RASGRF2: variants seen among roughly 807,000 people sequenced by gnomAD.
The protein encoded by RASGRF2 is ras-specific guanine nucleotide-releasing factor 2.
Under a neutral mutation model 151.0 loss-of-function variants are expected in RASGRF2, and 76 were observed. The ratio of observed to expected loss-of-function variants is 0.50; its 90% CI spans 0.42 to 0.61. The LOEUF (loss-of-function observed/expected upper bound fraction) is 0.61. Ranked by LOEUF, RASGRF2 falls within the 20% of genes least tolerant of loss-of-function variation. The pLI, the probability that RASGRF2 is intolerant of heterozygous loss-of-function variation, is 0.00. For missense variants in RASGRF2, 1,148 were observed against 1,564.6 expected (o/e 0.73, Z 4.49); for synonymous variants, 504 against 566.5 (o/e 0.89, Z 1.57).
Position 81,225,733 on chromosome 5 carries a change from A to G in RASGRF2, c.3677A>G (p.Glu1226Gly). The G allele has an allele frequency of 1.9e-6, 3 of 1,612,366 alleles. No homozygotes were observed. In the South Asian group the frequency reaches 3.3e-5, roughly 18 times the overall value. Reference sequence around the variant, plus strand: ...ATCATAGATGAAGATACGCTATATGAGCTGTCACTAAAAATTGAACCTCGA... The same window carrying G: ...ATCATAGATGAAGATACGCTATATGGGCTGTCACTAAAAATTGAACCTCGA... ...DLIIDEDTLY[E>G]LSLKIEPRLP... Residue 1226 changes from glutamate (E) to glycine (G), a missense_variant, in exon 27 of 27, where the codon GAG becomes GGG. By Grantham distance (98) the Glu-to-Gly change is moderately conservative (BLOSUM62 -2). Coordinates refer to ENST00000265080, the MANE Select transcript of RASGRF2 (RefSeq NM_006909.3).
intron 1 of RASGRF2, among the ~76,000 whole-genome samples, chr5:81,033,743 G>T (rs564052494): frequency 2.6e-5 from 4 of 152,274 alleles, no homozygotes; most frequent in African/African-American, 9.6e-5. Context: ...CATGGGCAAG[G>T]ATTTCATGTC....
At chr5:81,132,738 A>G (rs375454666) in intron 17 of RASGRF2, among the ~76,000 whole-genome samples, 1 of 152,208 alleles carries the variant, frequency 6.6e-6, no homozygotes, top group African/African-American at 2.4e-5. Context: ...TGTTGCACCC[A>G]TACCCACAGA....
chr5:81,089,537 A>G (rs1356947849), intron 9 of RASGRF2, among the ~76,000 whole-genome samples: 1 of 152,246 alleles, frequency 6.6e-6, no homozygotes, highest in African/African-American at 2.4e-5. Context: ...ATGGTTTCCC[A>G]TTATTAGTCT....
Position 81,207,361 on chromosome 5 carries a change from C to A in RASGRF2, c.3071+12C>A. 3.7e-6 allele frequency: 6 copies of A among 1,605,124 alleles called. No individual in the cohort carries two copies. Among genetic ancestry groups the A allele is most frequent in the South Asian group, 1.1e-5 (1 of 90,828 alleles). On this transcript the variant is annotated intron_variant, in intron 21 of 26. Transcript: ENST00000265080. ...AGCATTCCCTACGAGTGAGTGCCAC[C>A]CCCCACAGCAGCAGGGCTCGGCTGC...
At chr5:81,161,422 C>T (rs1754380972) in intron 17 of RASGRF2, among the ~76,000 whole-genome samples, 2 of 152,212 alleles carry the variant, frequency 1.3e-5, no homozygotes, top group Non-Finnish European at 1.5e-5. Context: ...TCATTTCACT[C>T]ATTGGAGAGC....
At chr5:81,167,379 A>T (rs1754537475) in intron 17 of RASGRF2, among the ~76,000 whole-genome samples, 1 of 152,246 alleles carries the variant, frequency 6.6e-6, no homozygotes, top group South Asian at 2.1e-4. Flanking sequence ...GCAGAAAAGC[A>T]TCACCAGTAG....
intron 7 of RASGRF2, among the ~76,000 whole-genome samples, chr5:81,081,575 A>G (rs1243637879): frequency 6.6e-6 from 1 of 152,144 alleles, no homozygotes; most frequent in Non-Finnish European, 1.5e-5. Flanking sequence ...CCCATTGTGG[A>G]ATTTAGGTGG....
intron 17 of RASGRF2, among the ~76,000 whole-genome samples, chr5:81,163,397 G>T (rs1025450778): frequency 5.9e-5 from 9 of 151,926 alleles, no homozygotes; most frequent in African/African-American, 2.2e-4. Flanking sequence ...ATGAAAGAAC[G>T]TCCATTTTTA....
At chr5:81,160,629 G>A (rs961488413) in intron 17 of RASGRF2, among the ~76,000 whole-genome samples, 1 of 149,440 alleles carries the variant, frequency 6.7e-6, no homozygotes. Context: ...CCAAGATCGC[G>A]CCACTGCACC....
intron 1 of RASGRF2, among the ~76,000 whole-genome samples, chr5:80,963,468 T>C (rs1747627665): frequency 6.6e-6 from 1 of 152,240 alleles, no homozygotes; most frequent in African/African-American, 2.4e-5. Context: ...ATGAAATCTC[T>C]GTTTCCTAAT....
chr5:81,017,407 C>CCT (rs1243437563), intron 1 of RASGRF2, among the ~76,000 whole-genome samples: 1 of 152,224 alleles, frequency 6.6e-6, no homozygotes, highest in Non-Finnish European at 1.5e-5. Context: ...TCCTGCTGAA[C>CCT]CACACTTGGC....
chr5:81,196,128 G>A (rs1755259863), intron 18 of RASGRF2, among the ~76,000 whole-genome samples: 2 of 152,194 alleles, frequency 1.3e-5, no homozygotes, highest in South Asian at 2.1e-4. Flanking sequence ...GCGTGGTGGT[G>A]TGCACCTGTA....
intron 13 of RASGRF2, among the ~76,000 whole-genome samples, chr5:81,109,979 A>AT (rs911693905): frequency 2.0e-5 from 3 of 152,020 alleles, no homozygotes; most frequent in African/African-American, 7.2e-5. Flanking sequence ...ATATACTACT[A>AT]TTTTTTCCCA....
intron 2 of RASGRF2, among the ~76,000 whole-genome samples, chr5:81,053,571 T>A (rs1400644385): frequency 6.6e-6 from 1 of 152,168 alleles, no homozygotes; most frequent in Non-Finnish European, 1.5e-5. Flanking sequence ...TTGTGAATAG[T>A]GCTGCAATAA....
chr5:81,027,241 G>T (rs1436031796), intron 1 of RASGRF2, among the ~76,000 whole-genome samples: 1 of 152,112 alleles, frequency 6.6e-6, no homozygotes, highest in African/African-American at 2.4e-5. Flanking sequence ...ATGGGCTTTA[G>T]TTAATAATTA....
At chr5:81,168,593 G>T (rs546951001) in intron 17 of RASGRF2, among the ~76,000 whole-genome samples, 2 of 152,122 alleles carry the variant, frequency 1.3e-5, no homozygotes, top group Admixed American at 1.3e-4. Context: ...TTACAAGTGT[G>T]AGCCACTGCC....
At chr5:80,974,513 G>A (rs549446944) in intron 1 of RASGRF2, among the ~76,000 whole-genome samples, 3 of 152,346 alleles carry the variant, frequency 2.0e-5, no homozygotes, top group African/African-American at 7.2e-5. Flanking sequence ...TTGAGCCAGT[G>A]TCTTTGGTTC....
chr5:81,196,664 C>T (rs1264227298), intron 18 of RASGRF2, among the ~76,000 whole-genome samples: 2 of 142,022 alleles, frequency 1.4e-5, no homozygotes, highest in Non-Finnish European at 3.0e-5. Context: ...ACAGTAGGTA[C>T]TCACTAATGC....
rs572225684 is a variant in RASGRF2 at position 81,068,014 on chromosome 5, G to A, written c.396-18G>A. On this transcript the variant is annotated intron_variant, in intron 2 of 26. Coordinates refer to ENST00000265080, the MANE Select transcript of RASGRF2 (RefSeq NM_006909.3). ...TAGAACAATATCTCAATGACTAACT[G>A]TGTAATTTTCTCTCAAGTTATGCAG... is the stretch of plus-strand genomic sequence containing the variant. The A allele has an allele frequency of 1.0e-5, 16 of 1,584,050 alleles. No homozygotes were observed. In the Admixed American group the frequency reaches 1.1e-4, roughly 10 times the overall value.
Sources: allele counts gnomAD v4.1 joint callset (sites outside exome capture counted in the v4.1 genomes callset), GRCh38; gene constraint gnomAD v4.1.1; transcripts MANE v1.5; gene names NCBI Gene and HGNC (gene_info 2026-07-23, HGNC 2026-07-21).